The following DNAJC6 variants were observed in gnomAD, a reference collection of about 807,000 sequenced individuals.
DNAJC6 encodes auxilin.
A neutral mutation model predicts 110.0 loss-of-function variants in DNAJC6; 34 were observed. The observed-to-expected ratio is 0.31, with a 90% confidence interval of 0.24 to 0.41. DNAJC6 has a LOEUF of 0.41. Ranked by LOEUF, DNAJC6 falls within the 10% of genes least tolerant of loss-of-function variation. The pLI, the probability that DNAJC6 is intolerant of heterozygous loss-of-function variation, is 1.00. For synonymous variants in DNAJC6, 406 were observed against 437.2 expected (o/e 0.93, Z 0.89); for missense variants, 1,031 against 1,207.8 (o/e 0.85, Z 2.17).
intron 1 of DNAJC6, among the ~76,000 whole-genome samples, chr1:65,359,576 C>T (rs1645578944): frequency 6.6e-6 from 1 of 152,198 alleles, no homozygotes; most frequent in African/African-American, 2.4e-5. Flanking sequence ...CTTACACCCT[C>T]AAATCCCTGA....
At chr1:65,395,182 A>G (rs1481625620) in intron 13 of DNAJC6, 150 bp downstream of exon 13, 3 of 879,508 alleles carry the variant, frequency 3.4e-6, no homozygotes, top group Non-Finnish European at 4.9e-6. Context: ...TCACCTTAAC[A>G]TATCAAAATC....
rs1352664136 is a variant in DNAJC6 at position 65,412,966 on chromosome 1, A to C, written c.2854A>C (p.Met952Leu). 1 of 1,614,006 alleles carries C rather than the reference A, an allele frequency of 6.2e-7. No individual in the cohort carries two copies. Among genetic ancestry groups the C allele is most frequent in the Non-Finnish European group, 8.5e-7 (1 of 1,179,992 alleles). The change falls in exon 19 of 19, where the codon ATG becomes CTG. Residue 952 changes from methionine to leucine, a missense_variant. Met to Leu is a conservative substitution (Grantham distance 15). Coordinates refer to ENST00000371069, the MANE Select transcript of DNAJC6 (RefSeq NM_001256864.2). ...PYEQYAKMIF[M>L]ELNDAWSEFE... ...TGAACAATACGCAAAGATGATTTTC[A>C]TGGAGCTCAATGATGCCTGGTCTGA...
At chr1:65,288,223 C>G (rs1028672181) in intron 1 of DNAJC6, among the ~76,000 whole-genome samples, 1 of 152,186 alleles carries the variant, frequency 6.6e-6, no homozygotes, top group African/African-American at 2.4e-5. Context: ...GGATTCCACA[C>G]TGTAACTCAG....
intron 12 of DNAJC6, among the ~76,000 whole-genome samples, chr1:65,394,033 C>T (rs1487512529): frequency 6.6e-6 from 1 of 152,164 alleles, no homozygotes; most frequent in Non-Finnish European, 1.5e-5. Context: ...CACTTCCTTC[C>T]ATACAGTTTT....
chr1:65,375,556 A>G (rs1481804536), intron 4 of DNAJC6, among the ~76,000 whole-genome samples: 1 of 151,520 alleles, frequency 6.6e-6, no homozygotes, highest in African/African-American at 2.4e-5. Flanking sequence ...CTCCCGAGTA[A>G]CTCGGACTAC....
At chr1:65,403,843 T>C (rs1044302136) in intron 15 of DNAJC6, among the ~76,000 whole-genome samples, 5 of 152,156 alleles carry the variant, frequency 3.3e-5, no homozygotes, top group African/African-American at 1.2e-4. Flanking sequence ...ATGAGCCCCA[T>C]GAGTGCGGGG....
intron 5 of DNAJC6, among the ~76,000 whole-genome samples, chr1:65,381,766 A>G (rs1243930709): frequency 1.3e-5 from 2 of 152,088 alleles, no homozygotes; most frequent in Non-Finnish European, 2.9e-5. Context: ...AACAACAACA[A>G]TTTCTTGAAG....
chr1:65,339,191 A>G (rs772625690), intron 1 of DNAJC6, among the ~76,000 whole-genome samples: 16 of 152,198 alleles, frequency 1.1e-4, no homozygotes, highest in Non-Finnish European at 1.9e-4. Context: ...TCTTAAGAAA[A>G]AAAAAATGAG....
At chr1:65,308,881 C>A (rs1486272824), upstream of DNAJC6, among the ~76,000 whole-genome samples, 2 of 152,186 alleles carry the variant, frequency 1.3e-5, no homozygotes, top group South Asian at 2.1e-4. Context: ...CTAGGCAGAA[C>A]GGACGCTGCC....
rs758161400 is a variant in DNAJC6 at position 65,264,873 on chromosome 1, CT to C, written c.-187del. The C allele has an allele frequency of 3.7e-6, 6 of 1,612,038 alleles. No homozygotes were observed. In the East Asian group the frequency reaches 1.1e-4, roughly 30 times the overall value. On this transcript the variant is annotated 5_prime_UTR_variant, in exon 1 of 20. Transcript: ENST00000263441. ...AGTCAGGGTTGCAGAATCAGCCGGA[CT>C]TTCCTGCTCATTTGCAGCAGAGGGA...
intron 4 of DNAJC6, among the ~76,000 whole-genome samples, chr1:65,369,150 A>G (rs535554385): frequency 6.6e-6 from 1 of 152,218 alleles, no homozygotes; most frequent in East Asian, 1.9e-4. Flanking sequence ...TCTCTCCTAA[A>G]ACACAGGATT....
Position 65,405,856 on chromosome 1 carries a change from C to CT in DNAJC6, c.2228-7dup, listed in dbSNP as rs780987572. On this transcript the variant is annotated splice_polypyrimidine_tract_variant and intron_variant, in intron 15 of 18. Coordinates refer to ENST00000371069, the MANE Select transcript of DNAJC6 (RefSeq NM_001256864.2). ...CAAAATAGTTTTACCTTCTTTATCTCTTTTTTTCTTTAGGTAGTTCTTCCT... is the reference window on the plus strand; with the variant it reads ...CAAAATAGTTTTACCTTCTTTATCTCTTTTTTTTCTTTAGGTAGTTCTTCCT... 1.9e-6 allele frequency: 3 copies of CT among 1,579,240 alleles called. No individual in the cohort carries two copies. The highest frequency in any genetic ancestry group is 1.2e-5 in the South Asian group (1 of 85,926).
chr1:65,379,566 T>A, intron 5 of DNAJC6, 42 bp downstream of exon 5: 6 of 1,611,138 alleles, frequency 3.7e-6, no homozygotes, highest in Admixed American at 1.7e-5. Context: ...TTTGGTTTGG[T>A]CAAATATGGA....
intron 1 of DNAJC6, among the ~76,000 whole-genome samples, chr1:65,295,819 C>G (rs1469210735): frequency 6.6e-6 from 1 of 152,052 alleles, no homozygotes; most frequent in East Asian, 1.9e-4. Flanking sequence ...TATTTTTTTC[C>G]TCCTATCATT....
intron 1 of DNAJC6, among the ~76,000 whole-genome samples, chr1:65,302,830 C>T (rs112067437): frequency 0.058 from 8,862 of 152,174 alleles, 851 homozygotes; most frequent in African/African-American, 0.2. Context: ...CCACCGCGCC[C>T]GGCCTGTCTC....
At chr1:65,352,632 A>G (rs978387065) in intron 1 of DNAJC6, among the ~76,000 whole-genome samples, 1 of 152,244 alleles carries the variant, frequency 6.6e-6, no homozygotes, top group Non-Finnish European at 1.5e-5. Flanking sequence ...TGTATGTAGC[A>G]CATAGCATAT....
intron 1 of DNAJC6, among the ~76,000 whole-genome samples, chr1:65,302,101 A>G (rs1349489484): frequency 3.5e-5 from 1 of 28,414 alleles, no homozygotes; most frequent in African/African-American, 5.0e-4. Context: ...TATATATATA[A>G]TATATAATAT....
intron 4 of DNAJC6, 79 bp downstream of exon 4, chr1:65,366,275 G>C (rs1032380191): frequency 1.4e-6 from 2 of 1,479,568 alleles, no homozygotes; most frequent in Non-Finnish European, 1.8e-6. Flanking sequence ...CTTAAAGCAC[G>C]TGCCCTTAGG....
At chr1:65,299,709 C>A (rs908463557) in intron 1 of DNAJC6, among the ~76,000 whole-genome samples, 2 of 151,976 alleles carry the variant, frequency 1.3e-5, no homozygotes, top group African/African-American at 4.8e-5. Context: ...CAAATTTGTC[C>A]ATGACCACAT....
Sources: gnomAD v4.1 joint callset for allele counts (sites outside exome capture counted in the v4.1 genomes callset) on GRCh38, gnomAD v4.1.1 for gene constraint, MANE v1.5 for transcripts, NCBI Gene and HGNC (gene_info 2026-07-23, HGNC 2026-07-21) for gene names.